Variants in OMA1 observed in about 807,000 individuals in gnomAD.
OMA1 encodes metalloendopeptidase OMA1, mitochondrial.
Under a neutral mutation model 30.9 loss-of-function variants are expected in OMA1, and 38 were observed. The ratio of observed to expected loss-of-function variants is 1.23; its 90% confidence interval spans 0.95 to 1.61. The LOEUF is 1.61. Among genes scored for constraint, OMA1 ranks in the 40% most tolerant of loss-of-function variants. The pLI is 0.00. For synonymous variants in OMA1, 173 were observed against 121.9 expected, an observed-to-expected ratio of 1.42 and a Z score of -2.76; for missense variants, 461 against 349.2, an observed-to-expected ratio of 1.32 and a Z score of -2.55.
rs1022891735 is a variant in OMA1, at chr1:58,487,636, G to A, written c.1366-6462C>T. ...TTTGCTAATTTATTATGACTCTATG[G>A]GTTCTAATAGTTTTTTAAATTTGAT... On this transcript the variant is annotated intron_variant, in intron 8 of 8. Transcript: ENST00000371226. Among the ~76,000 whole-genome samples the A allele has an allele frequency of 1.2e-4, 19 of 152,050 alleles. No homozygotes were observed. The East Asian group carries it at 3.3e-3, about 26-fold the overall frequency.
chr1:58,486,001 T>G (rs1282185795), intron 8 of OMA1, among the ~76,000 whole-genome samples: 1 of 152,198 alleles, frequency 6.6e-6, no homozygotes, highest in East Asian at 1.9e-4. Context: ...AATATAGAAT[T>G]AGCCAGCCTA....
intron 7 of OMA1, among the ~76,000 whole-genome samples, chr1:58,526,596 G>A: frequency 1.1e-5 from 1 of 90,148 alleles, no homozygotes. Context: ...GCTCTCTATG[G>A]CTAGCAAAAA....
intron 8 of OMA1, among the ~76,000 whole-genome samples, chr1:58,502,612 A>G (rs1645924062): frequency 6.6e-6 from 1 of 152,218 alleles, no homozygotes. Flanking sequence ...CATAAAATAT[A>G]ATTTCAAAAT....
chr1:58,497,034 G>A (rs960425198), intron 8 of OMA1, among the ~76,000 whole-genome samples: 8 of 152,180 alleles, frequency 5.3e-5, no homozygotes, highest in African/African-American at 1.9e-4. Context: ...CAGGTATTAA[G>A]AGACTTCCAA....
rs189261894 is a variant in OMA1, at chr1:58,538,657, G to A, written c.500+138C>T. On this transcript the variant is annotated intron_variant, in intron 2 of 8. Transcript: ENST00000371226. ...CTTCACTTTGAGCTAAATGGGGGGAGACAGGGGATCTGGCAAGGTTTCTTT... is the reference window on the plus strand; with the variant it reads ...CTTCACTTTGAGCTAAATGGGGGGAAACAGGGGATCTGGCAAGGTTTCTTT... The A allele has an allele frequency of 1.4e-3, 714 of 499,326 alleles. 6 individuals carry two copies. The highest frequency in any genetic ancestry group is 0.013 in the African/African-American group (644 of 50,648). 30.9% of individuals were successfully genotyped at this position (499,326 alleles called of 1,614,324 possible).
At chr1:58,535,960 T>A (rs1646509820) in intron 3 of OMA1, among the ~76,000 whole-genome samples, 1 of 151,600 alleles carries the variant, frequency 6.6e-6, no homozygotes, top group South Asian at 2.1e-4. Flanking sequence ...GCTCTACTCT[T>A]ACATACTGTG....
chr1:58,494,148 AC>A (rs1645751428), intron 8 of OMA1, among the ~76,000 whole-genome samples: 2 of 152,236 alleles, frequency 1.3e-5, no homozygotes, highest in Non-Finnish European at 2.9e-5. Flanking sequence ...GACAAACCTG[AC>A]AAAAATAAGA....
intron 1 of OMA1, among the ~76,000 whole-genome samples, chr1:58,539,769 T>C (rs112355036): frequency 6.6e-6 from 1 of 152,146 alleles, no homozygotes; most frequent in African/African-American, 2.4e-5. Context: ...GCCCTACAAC[T>C]GTCCTAGCTT....
At chr1:58,526,272 G>A (rs371920703) in intron 7 of OMA1, among the ~76,000 whole-genome samples, 1 of 152,000 alleles carries the variant, frequency 6.6e-6, no homozygotes, top group African/African-American at 2.4e-5. Context: ...AACATTCAAA[G>A]AACTGATTTT....
At chr1:58,504,341 T>C (rs1261953805) in intron 8 of OMA1, among the ~76,000 whole-genome samples, 1 of 152,220 alleles carries the variant, frequency 6.6e-6, no homozygotes, top group Non-Finnish European at 1.5e-5. Context: ...CTTTAGGTTC[T>C]CTGCATCAGC....
At position 58,480,730 on chromosome 1, in the gene OMA1, A is replaced by C. The variant is rs1053481798; in HGVS notation, c.*235T>G. 1 of 344,152 alleles carries C rather than the reference A, an allele frequency of 2.9e-6. No individual in the cohort carries two copies. The highest frequency in any genetic ancestry group is 2.1e-5 in the African/African-American group (1 of 46,708). The allele number at this position is 344,152 out of a possible 1,614,324, so 21.3% of individuals were successfully genotyped here. A position where few individuals can be genotyped will look rare whatever the true frequency, so the allele number is the denominator to read the frequency against. On this transcript the variant is annotated 3_prime_UTR_variant, in exon 9 of 9. Transcript: ENST00000371226. The stretch of plus-strand genomic sequence containing the variant: ...AGTAGAAGACAGAGTAAAATGTGTA[A>C]TATAAATTTATTCTGTGACATTTTC...
At chr1:58,510,653 G>A (rs571211814) in intron 7 of OMA1, among the ~76,000 whole-genome samples, 1 of 151,688 alleles carries the variant, frequency 6.6e-6, no homozygotes, top group Non-Finnish European at 1.5e-5. Flanking sequence ...GAAATAAAAG[G>A]CATTTAAATC....
chr1:58,519,836 AAG>A (rs1217738807), intron 7 of OMA1, among the ~76,000 whole-genome samples: 1 of 152,244 alleles, frequency 6.6e-6, no homozygotes, highest in African/African-American at 2.4e-5. Context: ...AAATTTATAA[AAG>A]AGCATCAAAG....
rs773160786 is a variant in OMA1, at chr1:58,538,788, AT to A, written c.500+6del. 8 of 760,102 alleles carry A rather than the reference AT, an allele frequency of 1.1e-5. No homozygotes were observed. The highest frequency in any genetic ancestry group is 1.6e-5 in the Non-Finnish European group (7 of 449,658). 47.1% of individuals were successfully genotyped at this position (760,102 alleles called of 1,614,324 possible). ...ATAAAAGTTTTTATTCTAAAAAAGCATTTTACCTGCCTACAATGATTGCAAA... is the reference window on the plus strand; with the variant it reads ...ATAAAAGTTTTTATTCTAAAAAAGCATTTACCTGCCTACAATGATTGCAAA... On this transcript the variant is annotated splice_donor_region_variant and intron_variant, in intron 2 of 8. Coordinates refer to ENST00000371226, the MANE Select transcript of OMA1 (RefSeq NM_145243.5).
chr1:58,481,755 T>C (rs550266124), intron 8 of OMA1, among the ~76,000 whole-genome samples: 1 of 152,292 alleles, frequency 6.6e-6, no homozygotes, highest in African/African-American at 2.4e-5. Flanking sequence ...GTTCTCATGA[T>C]AGTGATTAAG....
In OMA1 at chr1:58,541,630, A is replaced by AC. The variant is rs1422821788; in HGVS notation, c.-16-2321_-16-2320insG. The AC allele has an allele frequency of 5.3e-5, 7 of 130,910 alleles. 1 individual carries two copies. Among genetic ancestry groups the AC allele is most frequent in the African/African-American group, 2.0e-4 (7 of 34,426 alleles). 8.1% of individuals were successfully genotyped at this position (130,910 alleles called of 1,614,324 possible). A position where few individuals can be genotyped will look rare whatever the true frequency, so the allele number is the denominator to read the frequency against. On this transcript the variant is annotated intron_variant, in intron 1 of 8. Transcript: ENST00000371226. ...AGAACCTGTCAAAAAAAAAAAAAAA[A>AC]AAAAAAAAAAACCAAAAACAAAAAA...
chr1:58,511,701 A>G (rs1333665596), intron 7 of OMA1, among the ~76,000 whole-genome samples: 3 of 152,184 alleles, frequency 2.0e-5, no homozygotes, highest in African/African-American at 4.8e-5. Context: ...TGGTGCTAGA[A>G]AAACTGAATA....
chr1:58,487,789 C>T (rs1274783903), intron 8 of OMA1, among the ~76,000 whole-genome samples: 1 of 152,104 alleles, frequency 6.6e-6, no homozygotes, highest in Non-Finnish European at 1.5e-5. Flanking sequence ...TTCCCCTCCC[C>T]CCTCAACACA....
chr1:58,523,964 A>G (rs1646309420), intron 7 of OMA1, among the ~76,000 whole-genome samples: 1 of 152,206 alleles, frequency 6.6e-6, no homozygotes, highest in East Asian at 1.9e-4. Context: ...GGAACAAAGC[A>G]TGGATGGAAC....
Sources: gnomAD v4.1 joint callset for allele counts (sites outside exome capture counted in the v4.1 genomes callset) on GRCh38, gnomAD v4.1.1 for gene constraint, MANE v1.5 for transcripts, NCBI Gene and HGNC (gene_info 2026-07-23, HGNC 2026-07-21) for gene names.